The following DPYD variants were observed in gnomAD, a reference collection of about 807,000 sequenced individuals.
The protein encoded by DPYD is dihydropyrimidine dehydrogenase.
In DPYD, 109 loss-of-function variants were observed where a neutral mutation model predicts 116.2. That is an observed-to-expected ratio of 0.94 (90% CI 0.80 to 1.10). DPYD has a LOEUF of 1.10. Ranked by LOEUF, DPYD falls within the 50% of genes least tolerant of loss-of-function variation. The pLI, the probability that DPYD is intolerant of heterozygous loss-of-function variation, is 0.00. For synonymous variants in DPYD, 440 were observed against 432.0 expected, an observed-to-expected ratio of 1.02 and a Z score of -0.23; for missense variants, 1,302 against 1,254.5, an observed-to-expected ratio of 1.04 and a Z score of -0.57.
At chr1:97,417,616 C>T (rs1217850952) in intron 14 of DPYD, among the ~76,000 whole-genome samples, 1 of 152,048 alleles carries the variant, frequency 6.6e-6, no homozygotes, top group African/African-American at 2.4e-5. Flanking sequence ...TATTGTGTTG[C>T]CTGATATATT....
intron 20 of DPYD, among the ~76,000 whole-genome samples, chr1:97,140,299 T>G (rs533815371): frequency 1.3e-5 from 2 of 152,150 alleles, no homozygotes; most frequent in African/African-American, 4.8e-5. Flanking sequence ...GAGTTTTTTT[T>G]GGGGACACTC....
intron 3 of DPYD, among the ~76,000 whole-genome samples, chr1:97,748,766 C>T (rs1314972132): frequency 6.6e-6 from 1 of 152,182 alleles, no homozygotes; most frequent in Non-Finnish European, 1.5e-5. Context: ...TCAATCTCAT[C>T]AGTGGTCCAA....
chr1:97,216,937 G>A lies in DPYD; in HGVS notation c.2442+17915C>T, dbSNP rs529838227. On this transcript the variant is annotated intron_variant, in intron 19 of 22. Transcript: ENST00000370192. ...AAACCTTAATTGAGGATCTGGCACCGTGGCTCATGCCTGTAATCCCAGCAC... is the reference window on the plus strand; with the variant it reads ...AAACCTTAATTGAGGATCTGGCACCATGGCTCATGCCTGTAATCCCAGCAC... Among the ~76,000 whole-genome samples, 15 of 152,156 alleles carry A rather than the reference G, an allele frequency of 9.9e-5. No homozygotes were observed. In the South Asian group the frequency reaches 2.1e-3, roughly 21 times the overall value.
In DPYD at chr1:97,206,278, ACTTATTT is replaced by A. The variant is rs527557834; in HGVS notation, c.2443-13037_2443-13031del. On this transcript the variant is annotated intron_variant, in intron 19 of 22. Coordinates refer to ENST00000370192, the MANE Select transcript of DPYD (RefSeq NM_000110.4). ...AAACTTAATATTCTGTCCTTTTGTA[ACTTATTT>A]CTTTATGCTTTACCCAAATTCCCTT... Among the ~76,000 whole-genome samples, 6 of 152,052 alleles carry A rather than the reference ACTTATTT, an allele frequency of 3.9e-5. No homozygotes were observed. In the South Asian group the frequency reaches 1.2e-3, roughly 32 times the overall value.
At chr1:97,801,671 G>T (rs1667852507) in intron 3 of DPYD, among the ~76,000 whole-genome samples, 1 of 151,792 alleles carries the variant, frequency 6.6e-6, no homozygotes, top group African/African-American at 2.4e-5. Flanking sequence ...AAGTATCTGG[G>T]GGCATGCAAA....
intron 14 of DPYD, among the ~76,000 whole-genome samples, chr1:97,421,417 C>T (rs1162855654): frequency 6.6e-6 from 1 of 151,766 alleles, no homozygotes; most frequent in African/African-American, 2.4e-5. Flanking sequence ...GTGAGGTTAT[C>T]AAGCTTAAAA....
At position 97,406,732 on chromosome 1, in the gene DPYD, T is replaced by C. The variant is rs531452509; in HGVS notation, c.1906-24271A>G. 3.1e-3 allele frequency among the ~76,000 whole-genome samples: 466 copies of C among 152,258 alleles called. 2 individuals carry two copies. The highest frequency in any genetic ancestry group is 0.01 in the African/African-American group (430 of 41,548). The stretch of plus-strand genomic sequence containing the variant: ...ATGTGTAACCGGAAACAAGCTATCA[T>C]ATATTTTTATGCCTATAAGTCATTC... On this transcript the variant is annotated intron_variant, in intron 14 of 22. Coordinates refer to ENST00000370192, the MANE Select transcript of DPYD (RefSeq NM_000110.4).
chr1:97,157,884 G>C (rs1196847957), intron 20 of DPYD, among the ~76,000 whole-genome samples: 2 of 152,074 alleles, frequency 1.3e-5, no homozygotes, highest in Non-Finnish European at 2.9e-5. Context: ...CTTGATTTCA[G>C]GTGATATATA....
At chr1:97,403,901 TTTC>T (rs1673507920) in intron 14 of DPYD, among the ~76,000 whole-genome samples, 1 of 152,066 alleles carries the variant, frequency 6.6e-6, no homozygotes, top group Admixed American at 6.6e-5. Context: ...ATTTTAAATC[TTTC>T]TTCTTTTTTA....
chr1:97,891,779 G>T (rs748008320), intron 1 of DPYD, among the ~76,000 whole-genome samples: 18 of 151,780 alleles, frequency 1.2e-4, no homozygotes, highest in Admixed American at 2.6e-4. Flanking sequence ...TGACCAACAT[G>T]TCCTCTTTCT....
At chr1:97,398,678 G>C (rs1673161788) in intron 14 of DPYD, among the ~76,000 whole-genome samples, 1 of 152,152 alleles carries the variant, frequency 6.6e-6, no homozygotes, top group Non-Finnish European at 1.5e-5. Flanking sequence ...GTTTTGATTT[G>C]CATTTCTCTG....
chr1:97,362,432 C>T (rs1361994605), intron 16 of DPYD, among the ~76,000 whole-genome samples: 1 of 152,148 alleles, frequency 6.6e-6, no homozygotes, highest in East Asian at 1.9e-4. Flanking sequence ...TGACTTTCTT[C>T]ACAGAATTGG....
At chr1:97,657,680 G>A (rs1659014530) in intron 8 of DPYD, among the ~76,000 whole-genome samples, 1 of 152,040 alleles carries the variant, frequency 6.6e-6, no homozygotes, top group Admixed American at 6.6e-5. Context: ...CCCTAACAAA[G>A]GAACCACGGG....
rs149473204 is a variant in DPYD at position 97,398,287 on chromosome 1, T to C, written c.1906-15826A>G. The stretch of plus-strand genomic sequence containing the variant: ...AAAATGACAGGAACTCATTATTTTT[T>C]ATGGCTGCATAGTATTGCATGGTGT... On this transcript the variant is annotated intron_variant, in intron 14 of 22. Coordinates refer to ENST00000370192, the MANE Select transcript of DPYD (RefSeq NM_000110.4). 7.5e-3 allele frequency among the ~76,000 whole-genome samples: 1,137 copies of C among 152,300 alleles called. 7 individuals carry two copies. The highest frequency in any genetic ancestry group is 0.032 in the East Asian group (166 of 5,168).
chr1:97,546,011 T>C, intron 12 of DPYD: 2 of 1,368,820 alleles, frequency 1.5e-6, no homozygotes, highest in Admixed American at 3.4e-5. Flanking sequence ...GTTTTCCATA[T>C]GTGACCATGA....
chr1:97,353,403 G>T (rs1670248867), intron 16 of DPYD, among the ~76,000 whole-genome samples: 1 of 152,170 alleles, frequency 6.6e-6, no homozygotes, highest in Non-Finnish European at 1.5e-5. Context: ...ACCGTTTGAA[G>T]AAGGGGTGTA....
intron 7 of DPYD, among the ~76,000 whole-genome samples, chr1:97,688,439 A>G (rs1297198347): frequency 6.6e-6 from 1 of 151,998 alleles, no homozygotes; most frequent in Non-Finnish European, 1.5e-5. Flanking sequence ...GGCAAAATTG[A>G]TACGAGAATA....
intron 4 of DPYD, among the ~76,000 whole-genome samples, chr1:97,736,495 A>G (rs12354275): frequency 0.013 from 1,996 of 152,274 alleles, 53 homozygotes; most frequent in African/African-American, 0.046. Context: ...AATTGACAAA[A>G]ATATGAATAA....
At chr1:97,235,611 G>T (rs555422244) in intron 18 of DPYD, among the ~76,000 whole-genome samples, 1 of 151,144 alleles carries the variant, frequency 6.6e-6, no homozygotes, top group African/African-American at 2.5e-5. Flanking sequence ...GTGACAGAGT[G>T]AGACTCTGTC....
Sources: gnomAD v4.1 joint callset for allele counts (sites outside exome capture counted in the v4.1 genomes callset) on GRCh38, gnomAD v4.1.1 for gene constraint, MANE v1.5 for transcripts, NCBI Gene and HGNC (gene_info 2026-07-23, HGNC 2026-07-21) for gene names.